UBQLN1: variants seen among roughly 807,000 people sequenced by gnomAD.
UBQLN1 encodes ubiquilin-1.
UBQLN1 carries 13 observed loss-of-function variants against 65.4 expected under a neutral mutation model. That is an observed-to-expected ratio of 0.20 (90% CI 0.13 to 0.32). The LOEUF is 0.32. UBQLN1 is among the 10% of genes least tolerant of loss of function. The pLI, the probability that UBQLN1 is intolerant of heterozygous loss-of-function variation, is 1.00. For synonymous variants in UBQLN1, 267 were observed against 247.8 expected (o/e 1.08, Z -0.73); for missense variants, 561 against 724.0 (o/e 0.77, Z 2.58).
chr9:83,665,333 T>C, intron 8 of UBQLN1, 188 bp from the exon 9 acceptor site: 1 of 459,132 alleles, frequency 2.2e-6, no homozygotes, highest in Non-Finnish European at 3.8e-6. Flanking sequence ...GTGTGCAAAT[T>C]ATTACTTGAC....
At chr9:83,686,641 G>A (rs1426029969) in intron 1 of UBQLN1, among the ~76,000 whole-genome samples, 1 of 152,056 alleles carries the variant, frequency 6.6e-6, no homozygotes, top group Non-Finnish European at 1.5e-5. Context: ...CTCTTACCAC[G>A]TCCAAAATAA....
chr9:83,704,229 TAACA>T (rs1473352646), intron 1 of UBQLN1, among the ~76,000 whole-genome samples: 4 of 152,254 alleles, frequency 2.6e-5, no homozygotes, highest in Admixed American at 1.3e-4. Context: ...TTTTCATTTG[TAACA>T]AACAGTTTCA....
chr9:83,682,653 G>A (rs1007076752), intron 3 of UBQLN1, among the ~76,000 whole-genome samples: 1 of 152,032 alleles, frequency 6.6e-6, no homozygotes, highest in African/African-American at 2.4e-5. Context: ...CAGGGACGCT[G>A]GCTTACGATT....
chr9:83,678,695 A>G, intron 4 of UBQLN1, 96 bp from the exon 5 acceptor site: 2 of 1,262,040 alleles, frequency 1.6e-6, no homozygotes, highest in Non-Finnish European at 2.2e-6. Flanking sequence ...AACAAAGTTT[A>G]TGGGAGGCCA....
intron 1 of UBQLN1, among the ~76,000 whole-genome samples, chr9:83,688,666 T>C (rs1184776311): frequency 6.6e-6 from 1 of 151,370 alleles, no homozygotes; most frequent in Non-Finnish European, 1.5e-5. Flanking sequence ...ATAGAGAACA[T>C]CTTGGCCAAC....
At chr9:83,706,037 T>C (rs1231049558) in intron 1 of UBQLN1, among the ~76,000 whole-genome samples, 1 of 152,188 alleles carries the variant, frequency 6.6e-6, no homozygotes, top group East Asian at 1.9e-4. Flanking sequence ...TTCTATATCT[T>C]GATAAGAGCT....
chr9:83,669,086 G>A, intron 7 of UBQLN1, 99 bp downstream of exon 7: 2 of 1,359,978 alleles, frequency 1.5e-6, no homozygotes, highest in Non-Finnish European at 2.0e-6. Flanking sequence ...AGTGTATTAA[G>A]ATATCATACA....
Position 83,663,862 on chromosome 9 carries a change from A to C in UBQLN1, c.1617+13T>G. On this transcript the variant is annotated intron_variant, in intron 10 of 10. Transcript: ENST00000376395. ...TTAAGGAATACAAAACTTGAATGGA[A>C]AAGAACTGATACCTGAGGATTTACT... 1.2e-6 allele frequency: 2 copies of C among 1,606,152 alleles called. No homozygotes were observed. The highest frequency in any genetic ancestry group is 1.7e-6 in the Non-Finnish European group (2 of 1,177,706).
At chr9:83,707,437 T>A (rs1832430533) in intron 1 of UBQLN1, 63 bp downstream of exon 1, 2 of 1,522,168 alleles carry the variant, frequency 1.3e-6, no homozygotes, top group African/African-American at 2.8e-5. Context: ...AAAGGTCTCC[T>A]GGGGCGGCGG....
intron 10 of UBQLN1, among the ~76,000 whole-genome samples, chr9:83,662,267 TACATATACACACAC>T (rs1330438300): frequency 2.3e-5 from 3 of 128,990 alleles, no homozygotes; most frequent in South Asian, 2.6e-4. Flanking sequence ...TATATACATA[TACATATACACACAC>T]ACACACACAC....
At chr9:83,682,220 G>C (rs1831952507) in intron 3 of UBQLN1, among the ~76,000 whole-genome samples, 1 of 152,106 alleles carries the variant, frequency 6.6e-6, no homozygotes. Context: ...AGGAGGCAGA[G>C]GTTGCGGTGA....
At chr9:83,685,950 G>A in intron 2 of UBQLN1, 54 bp downstream of exon 2, 2 of 1,481,944 alleles carry the variant, frequency 1.3e-6, no homozygotes, top group Non-Finnish European at 1.8e-6. Context: ...GTTACTTTTA[G>A]AAGTACGAAC....
At chr9:83,688,649 T>A (rs1587655048) in intron 1 of UBQLN1, among the ~76,000 whole-genome samples, 1 of 151,462 alleles carries the variant, frequency 6.6e-6, no homozygotes, top group East Asian at 1.9e-4. Context: ...AGATGACAGG[T>A]CAGGAGATAG....
chr9:83,699,584 A>G (rs1051541660), intron 1 of UBQLN1, among the ~76,000 whole-genome samples: 2 of 152,172 alleles, frequency 1.3e-5, no homozygotes, highest in African/African-American at 4.8e-5. Flanking sequence ...TGCTCAAGCA[A>G]TCCTGCCACC....
intron 7 of UBQLN1, chr9:83,667,482 A>G (rs1052303342): frequency 1.9e-5 from 19 of 985,016 alleles, no homozygotes; most frequent in African/African-American, 1.9e-4. Context: ...TTTCAATACA[A>G]TAACAAAAGC....
intron 3 of UBQLN1, 94 bp downstream of exon 3, chr9:83,682,857 C>A: frequency 3.7e-6 from 2 of 538,358 alleles, no homozygotes; most frequent in South Asian, 3.7e-5. Context: ...GTTAAAGTGA[C>A]ATAATGTTTT....
intron 1 of UBQLN1, among the ~76,000 whole-genome samples, chr9:83,693,322 C>T (rs1267440676): frequency 6.6e-6 from 1 of 152,154 alleles, no homozygotes; most frequent in Non-Finnish European, 1.5e-5. Flanking sequence ...GTTTGAGCAC[C>T]AAAATTGTTT....
intron 1 of UBQLN1, among the ~76,000 whole-genome samples, chr9:83,694,451 C>G (rs890115992): frequency 3.3e-5 from 5 of 152,176 alleles, no homozygotes; most frequent in Non-Finnish European, 7.4e-5. Context: ...GATGTTTAAC[C>G]TTATAGTAGT....
At chr9:83,684,485 G>A (rs1212100844) in intron 2 of UBQLN1, among the ~76,000 whole-genome samples, 5 of 151,764 alleles carry the variant, frequency 3.3e-5, no homozygotes, top group Non-Finnish European at 7.4e-5. Context: ...GTGAGCCACC[G>A]CGCCTGGCCT....
Sources: gnomAD v4.1 joint callset for allele counts (sites outside exome capture counted in the v4.1 genomes callset) on GRCh38, gnomAD v4.1.1 for gene constraint, MANE v1.5 for transcripts, NCBI Gene and HGNC (gene_info 2026-07-23, HGNC 2026-07-21) for gene names.